Variants in PARVA observed in about 807,000 individuals in gnomAD.
PARVA encodes the protein parvin alpha, also known as alpha-parvin.
In PARVA, 25 loss-of-function variants were observed where a neutral mutation model predicts 52.6. The observed-to-expected ratio is 0.48, with a 90% CI of 0.35 to 0.66. PARVA has a LOEUF of 0.66. PARVA is among the 30% of genes least tolerant of loss of function. The pLI is 0.01. For synonymous variants in PARVA, 185 were observed against 179.1 expected (o/e 1.03, Z -0.26); for missense variants, 373 against 450.9 (o/e 0.83, Z 1.56).
At chr11:12,438,646 C>A (rs976793588) in intron 1 of PARVA, among the ~76,000 whole-genome samples, 60 of 152,194 alleles carry the variant, frequency 3.9e-4, no homozygotes, top group African/African-American at 1.2e-3. Flanking sequence ...AATAAATATC[C>A]ACTAAGGGCC....
intron 11 of PARVA, 32 bp from the exon 12 acceptor site, chr11:12,518,413 A>G (rs999499450): frequency 1.3e-5 from 21 of 1,572,314 alleles, no homozygotes; most frequent in Admixed American, 3.4e-5. Flanking sequence ...TGGGTGTGCA[A>G]TGGTACATGC....
intron 5 of PARVA, among the ~76,000 whole-genome samples, chr11:12,502,455 C>T (rs1377707243): frequency 2.6e-5 from 4 of 151,800 alleles, no homozygotes; most frequent in Admixed American, 6.6e-5. Flanking sequence ...AATGAAGAGC[C>T]GTGAAGCTGG....
chr11:12,404,238 A>G (rs1396073124), intron 1 of PARVA, among the ~76,000 whole-genome samples: 2 of 152,022 alleles, frequency 1.3e-5, no homozygotes, highest in Non-Finnish European at 2.9e-5. Context: ...CATTACCATC[A>G]GGTCTTAGGG....
chr11:12,418,547 C>A (rs1343389205), intron 1 of PARVA, among the ~76,000 whole-genome samples: 2 of 152,164 alleles, frequency 1.3e-5, no homozygotes, highest in African/African-American at 4.8e-5. Flanking sequence ...AGCTTCTCAG[C>A]GTGCCTGCCA....
intron 3 of PARVA, among the ~76,000 whole-genome samples, chr11:12,477,547 T>G (rs1941031698): frequency 6.6e-6 from 1 of 152,184 alleles, no homozygotes; most frequent in South Asian, 2.1e-4. Flanking sequence ...CAGCTACCTG[T>G]GCACACACTG....
chr11:12,406,314 G>A lies in PARVA; in HGVS notation c.136+28531G>A, dbSNP rs532460613. 5.6e-4 allele frequency among the ~76,000 whole-genome samples: 86 copies of A among 152,292 alleles called. 2 individuals are homozygous for A. The highest frequency in any genetic ancestry group is 1.0e-3 in the South Asian group (5 of 4,824). On this transcript the variant is annotated intron_variant, in intron 1 of 12. Transcript: ENST00000334956. ...TAAGGCTTTTGACTGATTGGATGAG[G>A]TCCAGCCACGTTATGGAGGATAACC...
chr11:12,499,555 C>T (rs1040819299), intron 5 of PARVA, among the ~76,000 whole-genome samples: 1 of 151,474 alleles, frequency 6.6e-6, no homozygotes, highest in African/African-American at 2.4e-5. Context: ...GTCTTGTATT[C>T]TTCTAAACAC....
At chr11:12,411,202 T>G (rs1049883605) in intron 1 of PARVA, among the ~76,000 whole-genome samples, 4 of 152,252 alleles carry the variant, frequency 2.6e-5, no homozygotes, top group African/African-American at 9.6e-5. Context: ...ATTTCACTTT[T>G]TATTAGGTTG....
chr11:12,464,819 T>G (rs552365559), intron 1 of PARVA, among the ~76,000 whole-genome samples: 80 of 152,338 alleles, frequency 5.3e-4, no homozygotes, highest in African/African-American at 1.8e-3. Context: ...ATGAGCACTC[T>G]ACCTGGATTA....
intron 10 of PARVA, among the ~76,000 whole-genome samples, chr11:12,515,208 G>A (rs1280448434): frequency 6.6e-6 from 1 of 152,048 alleles, no homozygotes; most frequent in Non-Finnish European, 1.5e-5. Context: ...TCTTTATTGG[G>A]GAGATATTTT....
chr11:12,460,969 G>A (rs570895795), intron 1 of PARVA, among the ~76,000 whole-genome samples: 43 of 152,262 alleles, frequency 2.8e-4, no homozygotes, highest in African/African-American at 9.6e-4. Flanking sequence ...TCAGGACTTG[G>A]TTCAGGACTG....
chr11:12,474,569 T>C (rs147168677), intron 3 of PARVA, among the ~76,000 whole-genome samples: 95 of 152,204 alleles, frequency 6.2e-4, no homozygotes, highest in African/African-American at 2.2e-3. Flanking sequence ...AAGGCACTCA[T>C]GAGTGTCATC....
At chr11:12,450,426 G>A (rs750326405) in intron 1 of PARVA, among the ~76,000 whole-genome samples, 1 of 152,176 alleles carries the variant, frequency 6.6e-6, no homozygotes, top group African/African-American at 2.4e-5. Flanking sequence ...TGGATCTTGT[G>A]TTAACCCCAC....
At chr11:12,426,591 C>T (rs751102501) in intron 1 of PARVA, among the ~76,000 whole-genome samples, 5 of 152,264 alleles carry the variant, frequency 3.3e-5, no homozygotes, top group African/African-American at 4.8e-5. Flanking sequence ...ATCCAGATGA[C>T]GTATGTGCTT....
chr11:12,449,923 A>AT (rs1940601154), intron 1 of PARVA, among the ~76,000 whole-genome samples: 1 of 152,238 alleles, frequency 6.6e-6, no homozygotes, highest in Non-Finnish European at 1.5e-5. Context: ...TACTCCCCAG[A>AT]TTCTTGCAAA....
intron 12 of PARVA, among the ~76,000 whole-genome samples, chr11:12,522,489 G>C (rs1589991829): frequency 6.9e-6 from 1 of 145,192 alleles, no homozygotes; most frequent in African/African-American, 2.6e-5. Context: ...CGTGGTCTCG[G>C]CTCACTGGAA....
At chr11:12,422,438 G>A (rs1940163642) in intron 1 of PARVA, among the ~76,000 whole-genome samples, 1 of 152,204 alleles carries the variant, frequency 6.6e-6, no homozygotes, top group African/African-American at 2.4e-5. Flanking sequence ...AAACACTAGA[G>A]TAATGTACAA....
intron 1 of PARVA, among the ~76,000 whole-genome samples, chr11:12,421,346 C>T (rs1243617974): frequency 1.3e-5 from 2 of 152,112 alleles, no homozygotes; most frequent in Non-Finnish European, 2.9e-5. Flanking sequence ...GCCAGTAAGC[C>T]ATGAGAATGG....
At chr11:12,381,764 C>G (rs1939490253) in intron 1 of PARVA, among the ~76,000 whole-genome samples, 1 of 152,158 alleles carries the variant, frequency 6.6e-6, no homozygotes, top group South Asian at 2.1e-4. Flanking sequence ...CAAAACTGTG[C>G]TGCATTACTG....
Sources: gnomAD v4.1 joint callset for allele counts (sites outside exome capture counted in the v4.1 genomes callset) on GRCh38, gnomAD v4.1.1 for gene constraint, MANE v1.5 for transcripts, NCBI Gene and HGNC (gene_info 2026-07-23, HGNC 2026-07-21) for gene names.